Variants in PTK2 observed in about 807,000 individuals in gnomAD.
PTK2 encodes focal adhesion kinase 1.
In PTK2, 45 loss-of-function variants were observed where a neutral mutation model predicts 150.1. The ratio of observed to expected loss-of-function variants is 0.30; its 90% CI spans 0.24 to 0.38. PTK2 has a LOEUF of 0.38. PTK2 is among the 10% of genes least tolerant of loss of function. The pLI is 1.00. For synonymous variants in PTK2, 432 were observed against 449.2 expected (o/e 0.96, Z 0.48); for missense variants, 919 against 1,307.3 (o/e 0.70, Z 4.58).
chr8:140,883,189 A>AAC (rs2100150200), intron 3 of PTK2, among the ~76,000 whole-genome samples: 1 of 152,178 alleles, frequency 6.6e-6, no homozygotes, highest in African/African-American at 2.4e-5. Flanking sequence ...TTCTTTCATA[A>AAC]ACTGTTCATT....
intron 12 of PTK2, among the ~76,000 whole-genome samples, chr8:140,796,582 C>A (rs1462386253): frequency 6.6e-6 from 1 of 152,040 alleles, no homozygotes; most frequent in Non-Finnish European, 1.5e-5. Flanking sequence ...TTCTAAGTAG[C>A]TGGGCATGGG....
chr8:140,752,183 C>T (rs1380898736), intron 17 of PTK2, 49 bp downstream of exon 20: 2 of 1,450,090 alleles, frequency 1.4e-6, no homozygotes, highest in Non-Finnish European at 9.7e-7. Context: ...GTTTGGATTT[C>T]ACAGATAGAA....
At chr8:140,677,745 T>G (rs1442689709) in intron 27 of PTK2, among the ~76,000 whole-genome samples, 2 of 152,240 alleles carry the variant, frequency 1.3e-5, no homozygotes, top group East Asian at 3.8e-4. Context: ...AGCTTGAAGG[T>G]ATGAAGAATG....
intron 26 of PTK2, among the ~76,000 whole-genome samples, chr8:140,695,917 TTTAA>T (rs1056624923): frequency 6.6e-6 from 1 of 152,190 alleles, no homozygotes; most frequent in Non-Finnish European, 1.5e-5. Context: ...TATATTAAAT[TTTAA>T]TTTATTCATT....
chr8:140,682,634 TAAAAAAA>T (rs398068343), intron 27 of PTK2, among the ~76,000 whole-genome samples: 1 of 125,602 alleles, frequency 8.0e-6, no homozygotes, highest in Admixed American at 8.1e-5. Context: ...TATAGCTAAT[TAAAAAAA>T]AAAAAAAACC....
intron 1 of PTK2, among the ~76,000 whole-genome samples, chr8:140,987,919 C>G (rs1181664898): frequency 1.3e-5 from 2 of 151,904 alleles, no homozygotes; most frequent in Admixed American, 6.6e-5. Context: ...ATGGTGAGTG[C>G]CTGTAGTTCC....
In PTK2 at chr8:140,775,369, T is replaced by C. The variant is rs1160590639; in HGVS notation, c.1178-11079A>G. ...GCGTGGTGGTGTGTGCTTGTAGTCA[T>C]AGCTACTTGGGAGGGTGAGGTGTGA... On this transcript the variant is annotated intron_variant, in intron 14 of 31. Coordinates refer to ENST00000522684, the Ensembl canonical transcript of PTK2. Among the ~76,000 whole-genome samples, 4 of 152,012 alleles carry C rather than the reference T, an allele frequency of 2.6e-5. No homozygotes were observed. In the South Asian group the frequency reaches 6.2e-4, roughly 24 times the overall value.
chr8:140,977,023 T>C (rs1340742292), intron 1 of PTK2, among the ~76,000 whole-genome samples: 9 of 152,346 alleles, frequency 5.9e-5, no homozygotes, highest in African/African-American at 1.2e-4. Context: ...AAATAAATCA[T>C]GAATCATCAA....
intron 12 of PTK2, among the ~76,000 whole-genome samples, chr8:140,798,856 A>T (rs1240529114): frequency 1.3e-5 from 2 of 152,214 alleles, no homozygotes; most frequent in African/African-American, 4.8e-5. Flanking sequence ...ACACTGGAAG[A>T]AGAAAACGTC....
At chr8:140,809,576 G>A (rs2100100204) in intron 10 of PTK2, among the ~76,000 whole-genome samples, 1 of 152,156 alleles carries the variant, frequency 6.6e-6, no homozygotes, top group Non-Finnish European at 1.5e-5. Flanking sequence ...AGGCTGGGGT[G>A]GGCAGATTAC....
Position 140,717,723 on chromosome 8 carries a change from A to T in PTK2, c.2031-14T>A. 1 of 1,602,900 alleles carries T rather than the reference A, an allele frequency of 6.2e-7. No individual in the cohort carries two copies. Among genetic ancestry groups the T allele is most frequent in the Non-Finnish European group, 8.5e-7 (1 of 1,169,910 alleles). On this transcript the variant is annotated splice_polypyrimidine_tract_variant and intron_variant, in intron 22 of 31. Coordinates refer to ENST00000522684, the Ensembl canonical transcript of PTK2. ...TCCAGGATTGTGCTAGAGAGACAAC[A>T]CATTGTCTTAGGGGAGCTGACAACC... is the stretch of plus-strand genomic sequence containing the variant.
At chr8:140,972,187 TAAA>T (rs35134075) in intron 1 of PTK2, among the ~76,000 whole-genome samples, 1 of 151,346 alleles carries the variant, frequency 6.6e-6, no homozygotes. Context: ...CCTCCTCCCC[TAAA>T]AAAAAATCCA....
chr8:140,952,242 TCA>T (rs1338220163), intron 1 of PTK2, among the ~76,000 whole-genome samples: 2 of 152,164 alleles, frequency 1.3e-5, no homozygotes, highest in Non-Finnish European at 2.9e-5. Flanking sequence ...AAAACTGCCC[TCA>T]CACACAGACT....
chr8:140,810,394 C>T (rs935959954), intron 10 of PTK2, among the ~76,000 whole-genome samples: 1 of 152,188 alleles, frequency 6.6e-6, no homozygotes, highest in Non-Finnish European at 1.5e-5. Flanking sequence ...GACCTGAGCA[C>T]CCCTTGGGCT....
At chr8:140,996,652 G>A (rs1249478438) in intron 1 of PTK2, among the ~76,000 whole-genome samples, 1 of 152,152 alleles carries the variant, frequency 6.6e-6, no homozygotes, top group Non-Finnish European at 1.5e-5. Flanking sequence ...CTCTACAAAT[G>A]GAATAACAAA....
chr8:140,957,805 G>C (rs1375105014), intron 1 of PTK2, among the ~76,000 whole-genome samples: 1 of 152,042 alleles, frequency 6.6e-6, no homozygotes, highest in African/African-American at 2.4e-5. Context: ...AGGAGCAATA[G>C]GCTATACTAT....
At chr8:140,758,460 C>T (rs1367198857) in intron 16 of PTK2, among the ~76,000 whole-genome samples, 1 of 152,114 alleles carries the variant, frequency 6.6e-6, no homozygotes, top group African/African-American at 2.4e-5. Context: ...CAGGGCCTTT[C>T]GCAGGTATCC....
At chr8:140,962,244 AAAGGAAGGGAGGAAGGGAAG>A (rs1462851607) in intron 1 of PTK2, among the ~76,000 whole-genome samples, 1 of 145,950 alleles carries the variant, frequency 6.9e-6, no homozygotes, top group African/African-American at 2.5e-5. Context: ...AGGAAGGAAG[AAAGGAAGGGAGGAAGGGAAG>A]AAGGGAGGGA....
chr8:140,794,448 G>A (rs28436225), intron 12 of PTK2, among the ~76,000 whole-genome samples: 9,455 of 152,120 alleles, frequency 0.062, 953 homozygotes, highest in African/African-American at 0.22. Flanking sequence ...TGCTGTCCAC[G>A]GTTCCTCTCC....
Sources: gnomAD v4.1 joint callset for allele counts (sites outside exome capture counted in the v4.1 genomes callset) on GRCh38, gnomAD v4.1.1 for gene constraint, MANE v1.5 for transcripts, NCBI Gene and HGNC (gene_info 2026-07-23, HGNC 2026-07-21) for gene names.